Variants in DNAJC27 observed in about 807,000 individuals in gnomAD.
The protein encoded by DNAJC27 is DnaJ heat shock protein family (Hsp40) member C27, also known as dnaJ homolog subfamily C member 27.
In DNAJC27, 25 loss-of-function variants were observed where a neutral mutation model predicts 31.4. The ratio of observed to expected loss-of-function variants is 0.80; its 90% CI spans 0.58 to 1.11. The LOEUF is 1.11. Ranked by LOEUF, DNAJC27 falls within the 50% of genes most tolerant of loss-of-function variation. DNAJC27 has a pLI of 0.00. For synonymous variants in DNAJC27, 106 were observed against 112.7 expected (o/e 0.94, Z 0.37); for missense variants, 356 against 347.3 (o/e 1.02, Z -0.20).
At chr2:24,964,465 A>G (rs569035411) in intron 2 of DNAJC27, among the ~76,000 whole-genome samples, 31 of 152,200 alleles carry the variant, frequency 2.0e-4, no homozygotes, top group African/African-American at 7.5e-4. Flanking sequence ...AACACAAAAG[A>G]AAAACACAAA....
In DNAJC27 at chr2:24,947,466, A is replaced by G; in HGVS notation, c.*150T>C. On this transcript the variant is annotated 3_prime_UTR_variant, in exon 7 of 7. Coordinates refer to ENST00000264711, the MANE Select transcript of DNAJC27 (RefSeq NM_016544.3). ...CATTTCTCAGTAAAATGTCTATGAA[A>G]TGGGTACCTGAATTACTGATATACA... is the stretch of plus-strand genomic sequence containing the variant. The G allele has an allele frequency of 1.1e-6, 1 of 915,808 alleles. No individual in the cohort carries two copies. Among genetic ancestry groups the G allele is most frequent in the Non-Finnish European group, 1.6e-6 (1 of 610,464 alleles). 56.7% of individuals were successfully genotyped at this position (915,808 alleles called of 1,614,324 possible).
intron 5 of DNAJC27, among the ~76,000 whole-genome samples, chr2:24,954,482 G>A (rs1170490501): frequency 6.6e-6 from 1 of 152,216 alleles, no homozygotes; most frequent in Non-Finnish European, 1.5e-5. Flanking sequence ...TTTGGAAGCT[G>A]AGTCCTGCCA....
chr2:24,956,043 AT>A (rs969736690), intron 5 of DNAJC27, among the ~76,000 whole-genome samples: 19 of 152,388 alleles, frequency 1.2e-4, no homozygotes, highest in African/African-American at 4.6e-4. Context: ...GCAAACCAGC[AT>A]CAACTTTATT....
At chr2:24,960,404 AATT>A in intron 3 of DNAJC27, among the ~76,000 whole-genome samples, 1 of 152,220 alleles carries the variant, frequency 6.6e-6, no homozygotes. Context: ...AAAGTAGGCC[AATT>A]AATAACAATA....
intron 6 of DNAJC27, among the ~76,000 whole-genome samples, chr2:24,949,700 C>T (rs1306331622): frequency 6.6e-6 from 1 of 152,124 alleles, no homozygotes; most frequent in Non-Finnish European, 1.5e-5. Context: ...CCTGTAAGTT[C>T]TGGTAAATTT....
intron 2 of DNAJC27, among the ~76,000 whole-genome samples, chr2:24,963,787 T>A (rs1666109521): frequency 6.6e-6 from 1 of 152,178 alleles, no homozygotes; most frequent in Admixed American, 6.5e-5. Flanking sequence ...TTAAGAAAAA[T>A]TGATTTGGGA....
At chr2:24,967,938 T>C (rs1666230123) in intron 1 of DNAJC27, among the ~76,000 whole-genome samples, 1 of 150,344 alleles carries the variant, frequency 6.7e-6, no homozygotes. Context: ...TCTCTAAATA[T>C]CTATTAGATT....
At chr2:24,962,816 T>C (rs1435276151) in intron 3 of DNAJC27, among the ~76,000 whole-genome samples, 2 of 147,818 alleles carry the variant, frequency 1.4e-5, no homozygotes, top group East Asian at 4.0e-4. Context: ...GAGAAGGAAA[T>C]GATAAAGATT....
chr2:24,962,754 C>T (rs1400097475), intron 3 of DNAJC27, among the ~76,000 whole-genome samples: 1 of 151,758 alleles, frequency 6.6e-6, no homozygotes, highest in Non-Finnish European at 1.5e-5. Flanking sequence ...ATCTAAGATC[C>T]CACCTCAAGA....
At chr2:24,957,257 G>T in intron 4 of DNAJC27, 92 bp from the exon 5 acceptor site, 1 of 1,393,916 alleles carries the variant, frequency 7.2e-7, no homozygotes. Context: ...CCTTTACTAA[G>T]GCAAAGCTAT....
In DNAJC27 at chr2:24,951,546, A is replaced by G. The variant is rs763422070; in HGVS notation, c.537T>C (p.Tyr179=). The G allele has an allele frequency of 5.6e-6, 9 of 1,611,090 alleles. No individual in the cohort carries two copies. The East Asian group carries it at 1.3e-4, about 24-fold the overall frequency. ...TTTCACATAAATCAACTATGGATAT[A>G]TAAAAGGTCTACAAGAAGAAAACAT... ...EGINEMFQTF[Y]ISIVDLCENG... is the part of the protein sequence containing the mutation. The change falls in exon 6 of 7, where the codon TAT becomes TAC. Residue 179 remains tyrosine, a synonymous_variant. Coordinates refer to ENST00000264711, the MANE Select transcript of DNAJC27 (RefSeq NM_016544.3).
intron 1 of DNAJC27, among the ~76,000 whole-genome samples, chr2:24,967,987 G>A (rs1438249437): frequency 2.0e-5 from 3 of 148,996 alleles, no homozygotes; most frequent in Admixed American, 6.7e-5. Flanking sequence ...TAGGAGGAGA[G>A]GCTGCAGTGA....
Position 24,945,373 on chromosome 2 carries a change from G to C in DNAJC27, c.*2243C>G, listed in dbSNP as rs555593490. ...CAACTCACACATAAGGATATGAGTG[G>C]GAGCACTAATGAATTTTCTCTGCTG... On this transcript the variant is annotated 3_prime_UTR_variant, in exon 7 of 7. Coordinates refer to ENST00000264711, the MANE Select transcript of DNAJC27 (RefSeq NM_016544.3). The C allele has an allele frequency of 3.2e-4, 49 of 152,166 alleles. No individual in the cohort carries two copies. Among genetic ancestry groups the C allele is most frequent in the African/African-American group, 1.2e-3 (49 of 41,508 alleles). The allele number at this position is 152,166 out of a possible 1,614,324, so 9.4% of individuals were successfully genotyped here. A position where few individuals can be genotyped will look rare whatever the true frequency, so the allele number is the denominator to read the frequency against.
Position 24,971,924 on chromosome 2 carries a change from C to T in DNAJC27, c.-20G>A, listed in dbSNP as rs770453121. Reference sequence around the variant, plus strand: ...CTCCATGGCCCTGGCTCTCTCGGGGCCACCCGCCTCGGTCTCTTCTTGTGC... The same window carrying T: ...CTCCATGGCCCTGGCTCTCTCGGGGTCACCCGCCTCGGTCTCTTCTTGTGC... On this transcript the variant is annotated 5_prime_UTR_variant, in exon 1 of 7. Coordinates refer to ENST00000264711, the MANE Select transcript of DNAJC27 (RefSeq NM_016544.3). 3.2e-6 allele frequency: 5 copies of T among 1,550,398 alleles called. No individual in the cohort carries two copies. The highest frequency in any genetic ancestry group is 1.9e-5 in the Admixed American group (1 of 52,264).
At chr2:24,951,326 C>T (rs1665768981) in intron 6 of DNAJC27, 68 bp downstream of exon 6, 3 of 1,460,610 alleles carry the variant, frequency 2.1e-6, no homozygotes, top group Non-Finnish European at 2.8e-6. Context: ...ATATACTGCA[C>T]CTATAATTTT....
chr2:24,972,031 T>A, upstream of DNAJC27: 2 of 668,472 alleles, frequency 3.0e-6, no homozygotes, highest in African/African-American at 1.9e-5. Context: ...CTGCTCGCCA[T>A]CCCCGCCGCT....
chr2:24,969,416 G>A (rs182116970), intron 1 of DNAJC27: 82 of 185,238 alleles, frequency 4.4e-4, no homozygotes, highest in African/African-American at 2.0e-3. Context: ...AAGGTTTACC[G>A]AACACTAAGG....
intron 6 of DNAJC27, among the ~76,000 whole-genome samples, chr2:24,951,172 T>C (rs1665766062): frequency 6.6e-6 from 1 of 152,262 alleles, no homozygotes; most frequent in Admixed American, 6.5e-5. Context: ...TTTCATGAAG[T>C]ATTTATGCAC....
chr2:24,955,473 A>C (rs1052357111), intron 5 of DNAJC27, among the ~76,000 whole-genome samples: 1 of 152,202 alleles, frequency 6.6e-6, no homozygotes, highest in Non-Finnish European at 1.5e-5. Flanking sequence ...AGAGAGCCAG[A>C]ATGTGGCCAA....
Sources: allele counts gnomAD v4.1 joint callset (sites outside exome capture counted in the v4.1 genomes callset), GRCh38; gene constraint gnomAD v4.1.1; transcripts MANE v1.5; gene names NCBI Gene and HGNC (gene_info 2026-07-23, HGNC 2026-07-21).